CTNNA2: variants seen among roughly 807,000 people sequenced by gnomAD.
CTNNA2 encodes the protein catenin alpha 2.
Under a neutral mutation model 101.0 loss-of-function variants are expected in CTNNA2, and 42 were observed. The observed-to-expected ratio is 0.42, with a 90% CI of 0.32 to 0.54. CTNNA2 has a LOEUF of 0.54. CTNNA2 is among the 20% of genes least tolerant of loss of function. The probability of loss-of-function intolerance (pLI) is 0.14; values close to 1 mark genes in which losing one functional copy is unlikely to be tolerated. For synonymous variants in CTNNA2, 450 were observed against 456.4 expected (o/e 0.99, Z 0.18); for missense variants, 871 against 1,223.1 (o/e 0.71, Z 4.29).
At chr2:79,661,556 C>G (rs568840707) in intron 2 of CTNNA2, among the ~76,000 whole-genome samples, 11 of 152,322 alleles carry the variant, frequency 7.2e-5, no homozygotes, top group Admixed American at 5.2e-4. Flanking sequence ...CCTGGTTTCT[C>G]TTATTCCTCT....
intron 7 of CTNNA2, among the ~76,000 whole-genome samples, chr2:79,927,108 T>G (rs1257655686): frequency 6.6e-6 from 1 of 152,144 alleles, no homozygotes; most frequent in South Asian, 2.1e-4. Context: ...CAGTGAAGCC[T>G]GCTTGATTAG....
intron 4 of CTNNA2, among the ~76,000 whole-genome samples, chr2:79,460,284 C>T (rs1224527122): frequency 6.6e-6 from 1 of 152,118 alleles, no homozygotes; most frequent in African/African-American, 2.4e-5. Flanking sequence ...CTCAGTCTAA[C>T]TATATGTGCT....
At chr2:80,060,823 T>G (rs1697550400) in intron 7 of CTNNA2, among the ~76,000 whole-genome samples, 1 of 152,164 alleles carries the variant, frequency 6.6e-6, no homozygotes, top group Non-Finnish European at 1.5e-5. Flanking sequence ...TCAGGAGTGT[T>G]GACCACTGAC....
At chr2:79,759,485 G>A (rs1452032339) in intron 3 of CTNNA2, among the ~76,000 whole-genome samples, 1 of 152,118 alleles carries the variant, frequency 6.6e-6, no homozygotes, top group South Asian at 2.1e-4. Flanking sequence ...GGCTCACCAA[G>A]CTTGCTCTGC....
chr2:80,063,078 G>A (rs564593633), intron 7 of CTNNA2, among the ~76,000 whole-genome samples: 69 of 152,274 alleles, frequency 4.5e-4, no homozygotes, highest in African/African-American at 1.6e-3. Flanking sequence ...CAAGTAAGCT[G>A]CATTCTCTCT....
intron 7 of CTNNA2, among the ~76,000 whole-genome samples, chr2:79,933,599 C>T (rs1687594028): frequency 6.6e-6 from 1 of 152,036 alleles, no homozygotes; most frequent in African/African-American, 2.4e-5. Context: ...GGATTACAGG[C>T]ACCTGCCACC....
chr2:80,269,902 G>C (rs1673323659), intron 7 of CTNNA2, among the ~76,000 whole-genome samples: 1 of 152,028 alleles, frequency 6.6e-6, no homozygotes, highest in Non-Finnish European at 1.5e-5. Flanking sequence ...TTTTCTTAAA[G>C]TGTTATGAGC....
intron 18 of CTNNA2, among the ~76,000 whole-genome samples, chr2:80,633,062 A>G (rs187870066): frequency 1.1e-4 from 16 of 152,276 alleles, no homozygotes; most frequent in African/African-American, 3.6e-4. Context: ...TGTGCTCTGT[A>G]GACTAGTGGT....
intron 7 of CTNNA2, among the ~76,000 whole-genome samples, chr2:80,213,439 A>G (rs1573408472): frequency 6.6e-6 from 1 of 152,328 alleles, no homozygotes; most frequent in Middle Eastern, 3.4e-3. Context: ...GTTTCAAAGA[A>G]CATTTTTATT....
At chr2:80,356,335 A>G (rs558814695) in intron 7 of CTNNA2, among the ~76,000 whole-genome samples, 1 of 152,166 alleles carries the variant, frequency 6.6e-6, no homozygotes, top group Non-Finnish European at 1.5e-5. Flanking sequence ...TGGTAAAAAC[A>G]TCATTATACC....
At chr2:79,434,290 T>C (rs1346214295) in intron 4 of CTNNA2, among the ~76,000 whole-genome samples, 1 of 107,026 alleles carries the variant, frequency 9.3e-6, no homozygotes, top group African/African-American at 3.7e-5. Context: ...AGAGAGAGAC[T>C]CTGTCAAAAA....
At chr2:79,793,269 C>T (rs1558933846) in intron 3 of CTNNA2, among the ~76,000 whole-genome samples, 1 of 152,180 alleles carries the variant, frequency 6.6e-6, no homozygotes, top group Admixed American at 6.5e-5. Context: ...AAAACAAATG[C>T]CTTTATTACT....
At chr2:80,634,667 G>A (rs1404926443) in intron 18 of CTNNA2, among the ~76,000 whole-genome samples, 2 of 152,072 alleles carry the variant, frequency 1.3e-5, no homozygotes, top group Non-Finnish European at 2.9e-5. Context: ...TGGGAAGCAA[G>A]GAAACTAGTT....
intron 1 of CTNNA2, among the ~76,000 whole-genome samples, chr2:79,585,270 G>T (rs1676408680): frequency 6.6e-6 from 1 of 151,232 alleles, no homozygotes; most frequent in Non-Finnish European, 1.5e-5. Context: ...GTTTTTCTTG[G>T]TTATTCAGAC....
intron 4 of CTNNA2, among the ~76,000 whole-genome samples, chr2:79,437,165 C>G (rs1429191697): frequency 1.3e-5 from 2 of 150,624 alleles, no homozygotes; most frequent in Non-Finnish European, 2.9e-5. Flanking sequence ...AACCGGGAGG[C>G]AGTGGTTGCA....
chr2:79,203,308 T>C (rs1254684323), intron 2 of CTNNA2, among the ~76,000 whole-genome samples: 2 of 152,194 alleles, frequency 1.3e-5, no homozygotes, highest in Non-Finnish European at 2.9e-5. Flanking sequence ...AAAATAATAT[T>C]CAGAAAATGG....
chr2:80,450,830 G>A (rs1683440597), intron 9 of CTNNA2, among the ~76,000 whole-genome samples: 1 of 152,072 alleles, frequency 6.6e-6, no homozygotes, highest in Admixed American at 6.6e-5. Context: ...TTGATATAGT[G>A]CAGGCAAATC....
chr2:79,411,432 G>A (rs191086201), intron 4 of CTNNA2, among the ~76,000 whole-genome samples: 4 of 151,798 alleles, frequency 2.6e-5, no homozygotes, highest in African/African-American at 9.7e-5. Flanking sequence ...TCTGTTGTGG[G>A]CATTTAGTGC....
chr2:79,631,700 T>C (rs1196683062), intron 1 of CTNNA2, among the ~76,000 whole-genome samples: 1 of 152,198 alleles, frequency 6.6e-6, no homozygotes, highest in East Asian at 1.9e-4. Flanking sequence ...CTTCCTCTTA[T>C]CACCATGTGT....
Sources: allele counts gnomAD v4.1 joint callset (sites outside exome capture counted in the v4.1 genomes callset), GRCh38; gene constraint gnomAD v4.1.1; transcripts MANE v1.5; gene names NCBI Gene and HGNC (gene_info 2026-07-23, HGNC 2026-07-21).